VCPKMT: variants seen among roughly 807,000 people sequenced by gnomAD.
VCPKMT encodes the protein valosin containing protein lysine methyltransferase.
VCPKMT carries 32 observed loss-of-function variants against 28.6 expected under a neutral mutation model. The ratio of observed to expected loss-of-function variants is 1.12; its 90% CI spans 0.84 to 1.50. VCPKMT has a LOEUF of 1.50. Ranked by LOEUF, VCPKMT falls within the 40% of genes most tolerant of loss-of-function variation. The probability of loss-of-function intolerance (pLI) is 0.00; values close to 1 mark genes in which losing one functional copy is unlikely to be tolerated. For synonymous variants in VCPKMT, 138 were observed against 111.4 expected, an observed-to-expected ratio of 1.24 and a Z score of -1.50; for missense variants, 366 against 285.0, an observed-to-expected ratio of 1.28 and a Z score of -2.05.
rs760048450 is a variant in VCPKMT at position 50,115,841 on chromosome 14, C to T, written c.448G>A (p.Glu150Lys). The T allele has an allele frequency of 1.9e-6, 3 of 1,608,466 alleles. No individual in the cohort carries two copies. The highest frequency in any genetic ancestry group is 1.3e-5 in the African/African-American group (1 of 74,866). ...GACTTCGCTCACTGGATACTTACCTCTTCATAGTATATGCAGTCGGCCATC... is the reference window on the plus strand; with the variant it reads ...GACTTCGCTCACTGGATACTTACCTTTTCATAGTATATGCAGTCGGCCATC... The part of the protein sequence containing the change: ...ILMADCIYYE[E>K]SLEPLLKTLK... The change falls in exon 3 of 6, where the codon GAG (glutamate) becomes AAG (lysine). Residue 150 changes from glutamate to lysine, a missense_variant and splice_region_variant. Transcript: ENST00000395860.
chr14:50,114,473 A>G, intron 3 of VCPKMT, 69 bp from the exon 4 acceptor site: 1 of 1,151,128 alleles, frequency 8.7e-7, no homozygotes, highest in East Asian at 2.8e-5. Context: ...TAGGTTGAGG[A>G]GGTACAGGGG....
chr14:50,104,683 T>C (rs2139422229), downstream of VCPKMT, among the ~76,000 whole-genome samples: 1 of 146,362 alleles, frequency 6.8e-6, no homozygotes, highest in African/African-American at 2.6e-5. Flanking sequence ...GAACTACCAC[T>C]TACTCTATTG....
At chr14:50,105,183 A>G (rs545148764), downstream of VCPKMT, among the ~76,000 whole-genome samples, 161 of 152,358 alleles carry the variant, frequency 1.1e-3, no homozygotes, top group Non-Finnish European at 1.9e-3. Flanking sequence ...AGATGTTTCT[A>G]TAACCCATAC....
chr14:50,109,461 T>C lies in VCPKMT; in HGVS notation c.*238A>G. On this transcript the variant is annotated 3_prime_UTR_variant, in exon 6 of 6. Transcript: ENST00000395860. The stretch of plus-strand genomic sequence containing the variant: ...CTGATTCCCAACATTTAAGAAGAAC[T>C]TGATGCTGAACTAAGTAACCTAAGC... The C allele has an allele frequency of 5.7e-6, 7 of 1,226,974 alleles. No individual in the cohort carries two copies. Among genetic ancestry groups the C allele is most frequent in the African/African-American group, 1.6e-5 (1 of 64,052 alleles). 76.0% of individuals were successfully genotyped at this position (1,226,974 alleles called of 1,614,324 possible). A position where few individuals can be genotyped will look rare whatever the true frequency, so the allele number is the denominator to read the frequency against.
intron 4 of VCPKMT, chr14:50,113,330 G>C (rs754690698): frequency 2.6e-5 from 4 of 152,058 alleles, no homozygotes; most frequent in Non-Finnish European, 5.9e-5. Flanking sequence ...TCATATTCAA[G>C]AAAAACATGA....
At chr14:50,112,190 G>T (rs562465073) in intron 5 of VCPKMT, 2 of 430,182 alleles carry the variant, frequency 4.6e-6, no homozygotes, top group East Asian at 1.6e-4. Flanking sequence ...ACTTGTCTGA[G>T]GTAATACCCA....
chr14:50,111,123 C>T (rs1036673058), intron 5 of VCPKMT: 4 of 911,624 alleles, frequency 4.4e-6, no homozygotes, highest in African/African-American at 3.7e-5. Flanking sequence ...ACCTTAAAAG[C>T]GTGAATTTTA....
chr14:50,116,352 G>A lies in VCPKMT; in HGVS notation c.201C>T (p.Ser67=), dbSNP rs779506907. ...AACCCAGCTCCAGCACCGACCGCCGGCTCAGCGCGTGGGCCCCGTCGCCAG... is the reference window on the plus strand; with the variant it reads ...AACCCAGCTCCAGCACCGACCGCCGACTCAGCGCGTGGGCCCCGTCGCCAG... The part of the protein sequence containing the change: ...EFSGDGAHAL[S]RRSVLELGSG... The change falls in exon 1 of 6, where the codon AGC becomes AGT. Residue 67 remains serine (S), a synonymous_variant. Coordinates refer to ENST00000395860, the MANE Select transcript of VCPKMT (RefSeq NM_024558.3). 2 of 1,612,418 alleles carry A rather than the reference G, an allele frequency of 1.2e-6. No individual in the cohort carries two copies. Among genetic ancestry groups the A allele is most frequent in the East Asian group, 4.5e-5 (2 of 44,808 alleles).
chr14:50,110,445 T>C lies in VCPKMT; in HGVS notation c.676-732A>G, dbSNP rs150770500. On this transcript the variant is annotated intron_variant, in intron 5 of 5. Coordinates refer to ENST00000395860, the MANE Select transcript of VCPKMT (RefSeq NM_024558.3). Reference sequence around the variant, plus strand: ...AATCTGAAAATGGGCCAAGCATTTCTTCTAAATACAGAAAAGATACCCAAC... The same window carrying C: ...AATCTGAAAATGGGCCAAGCATTTCCTCTAAATACAGAAAAGATACCCAAC... Among the ~76,000 whole-genome samples, 616 of 152,288 alleles carry C rather than the reference T, an allele frequency of 4.0e-3. 2 individuals are homozygous for C. Among genetic ancestry groups the C allele is most frequent in the Non-Finnish European group, 6.7e-3 (459 of 68,006 alleles).
downstream of VCPKMT, chr14:50,106,605 T>G: frequency 1.0e-6 from 1 of 985,444 alleles, no homozygotes; most frequent in Non-Finnish European, 1.2e-6. Flanking sequence ...TCTGTCTCCA[T>G]GCTTCGGAAT....
intron 4 of VCPKMT, 139 bp downstream of exon 4, chr14:50,114,146 G>A (rs2139441963): frequency 2.7e-6 from 2 of 746,464 alleles, no homozygotes; most frequent in East Asian, 3.2e-5. Flanking sequence ...TAGAATCATG[G>A]GCTGTGAAGA....
At chr14:50,111,380 T>C (rs1371312117) in intron 5 of VCPKMT, 1 of 985,324 alleles carries the variant, frequency 1.0e-6, no homozygotes, top group African/African-American at 1.7e-5. Context: ...TACTTAGATT[T>C]AGTCCTAACA....
At position 50,109,731 on chromosome 14, in the gene VCPKMT, G is replaced by A. The variant is rs1329961425; in HGVS notation, c.676-18C>T. On this transcript the variant is annotated intron_variant, in intron 5 of 5. Transcript: ENST00000395860. ...GGAAATTTCTATAACAAAAAAAAAG[G>A]AAACTTAAAAGATTGATTTACCACA... The A allele has an allele frequency of 6.3e-7, 1 of 1,594,576 alleles. No homozygotes were observed. The highest frequency in any genetic ancestry group is 8.5e-7 in the Non-Finnish European group (1 of 1,170,316).
intron 5 of VCPKMT, among the ~76,000 whole-genome samples, chr14:50,110,514 T>C (rs961845114): frequency 6.6e-6 from 1 of 152,204 alleles, no homozygotes; most frequent in East Asian, 1.9e-4. Context: ...TTAGAGACTA[T>C]CTCATACCCA....
chr14:50,108,191 C>CAAAAAAAAAA (rs11455635), downstream of VCPKMT, among the ~76,000 whole-genome samples: 5 of 107,088 alleles, frequency 4.7e-5, no homozygotes, highest in African/African-American at 3.7e-5. Flanking sequence ...AACCCTGTCT[C>CAAAAAAAAAA]AAAAAAAAAA....
Position 50,109,155 on chromosome 14 carries a change from T to C in VCPKMT, c.*544A>G, listed in dbSNP as rs1326911363. ...TATACAAGACAATATCTCAGTTCTT[T>C]TTAAAATTAAAAGAACATTTCAGTA... On this transcript the variant is annotated 3_prime_UTR_variant, in exon 6 of 6. Coordinates refer to ENST00000395860, the MANE Select transcript of VCPKMT (RefSeq NM_024558.3). The C allele has an allele frequency of 1.1e-6, 1 of 916,940 alleles. No homozygotes were observed. The highest frequency in any genetic ancestry group is 1.3e-6 in the Non-Finnish European group (1 of 767,304). The allele number at this position is 916,940 out of a possible 1,614,324, so 56.8% of individuals were successfully genotyped here. A position where few individuals can be genotyped will look rare whatever the true frequency, so the allele number is the denominator to read the frequency against.
At chr14:50,107,332 T>TGA (rs1882362682), downstream of VCPKMT, among the ~76,000 whole-genome samples, 1 of 151,986 alleles carries the variant, frequency 6.6e-6, no homozygotes, top group Non-Finnish European at 1.5e-5. Context: ...TTTTTTTTTT[T>TGA]GAGACGGAGT....
At position 50,113,773 on chromosome 14, in the gene VCPKMT, A is replaced by G. The variant is rs1023581315; in HGVS notation, c.570+512T>C. ...TAGCCGGGTGTGGTGGTACATGCCT[A>G]TAGTCCCACTTACTTGGGGGCGGGG... On this transcript the variant is annotated intron_variant, in intron 4 of 5. Transcript: ENST00000395860. 2.7e-5 allele frequency among the ~76,000 whole-genome samples: 3 copies of G among 110,454 alleles called. 1 individual carries two copies. Among genetic ancestry groups the G allele is most frequent in the African/African-American group, 6.9e-5 (2 of 28,784 alleles). 72.5% of individuals were successfully genotyped at this position (110,454 alleles called of 152,430 possible).
chr14:50,115,871 T>G lies in VCPKMT; in HGVS notation c.418A>C (p.Ile140Leu), dbSNP rs770044046. 3 of 1,613,446 alleles carry G rather than the reference T, an allele frequency of 1.9e-6. No homozygotes were observed. Among genetic ancestry groups the G allele is most frequent in the Non-Finnish European group, 2.5e-6 (3 of 1,179,456 alleles). The change falls in exon 3 of 6, where the codon ATA becomes CTA. Residue 140 changes from isoleucine (I) to leucine (L), a missense_variant. By Grantham distance (5) the Ile-to-Leu change is conservative (BLOSUM62 2). Coordinates refer to ENST00000395860, the MANE Select transcript of VCPKMT (RefSeq NM_024558.3). ...TAGTATATGCAGTCGGCCATCAGTA[T>G]GAAGTCGGGTGGAGAAGGAAAGCCT... ...IEGFPSPPDF[I>L]LMADCIYYEE...
Sources: gnomAD v4.1 joint callset for allele counts (sites outside exome capture counted in the v4.1 genomes callset) on GRCh38, gnomAD v4.1.1 for gene constraint, MANE v1.5 for transcripts, NCBI Gene and HGNC (gene_info 2026-07-23, HGNC 2026-07-21) for gene names.